Variants in SORCS3 observed in about 807,000 individuals in gnomAD.
SORCS3 encodes the protein VPS10 domain-containing receptor SorCS3.
In SORCS3, 57 loss-of-function variants were observed where a neutral mutation model predicts 146.3. The observed-to-expected ratio is 0.39, with a 90% CI of 0.31 to 0.49. The LOEUF (loss-of-function observed/expected upper bound fraction) is 0.49. Among genes scored for constraint, SORCS3 ranks in the 20% least tolerant of loss-of-function variants. The probability of loss-of-function intolerance (pLI) is 0.92; values close to 1 mark genes in which losing one functional copy is unlikely to be tolerated. For missense variants in SORCS3, 1,341 were observed against 1,575.5 expected (o/e 0.85, Z 2.52); for synonymous variants, 653 against 618.5 (o/e 1.06, Z -0.83).
intron 1 of SORCS3, among the ~76,000 whole-genome samples, chr10:104,683,212 T>C (rs996917402): frequency 7.2e-5 from 11 of 152,176 alleles, no homozygotes; most frequent in African/African-American, 2.2e-4. Context: ...AAGAAGACTT[T>C]GAGAAGGAGA....
intron 2 of SORCS3, among the ~76,000 whole-genome samples, chr10:104,889,298 TA>T (rs1564706618): frequency 7.0e-6 from 1 of 143,502 alleles, no homozygotes; most frequent in African/African-American, 2.7e-5. Context: ...TTTTTTTTTT[TA>T]AATCCGATCT....
intron 4 of SORCS3, among the ~76,000 whole-genome samples, chr10:105,014,068 C>T (rs28850357): frequency 7.3e-6 from 1 of 137,374 alleles, no homozygotes; most frequent in Non-Finnish European, 1.5e-5. Context: ...TCTAAATATA[C>T]ATATATATAT....
chr10:104,976,059 T>C (rs1376792216), intron 3 of SORCS3, among the ~76,000 whole-genome samples: 1 of 152,084 alleles, frequency 6.6e-6, no homozygotes, highest in African/African-American at 2.4e-5. Flanking sequence ...AATTGACAAA[T>C]GGGATCTAAT....
chr10:105,255,133 G>A (rs2056923322), intron 23 of SORCS3, among the ~76,000 whole-genome samples: 1 of 143,664 alleles, frequency 7.0e-6, no homozygotes, highest in Non-Finnish European at 1.5e-5. Flanking sequence ...AGCCTGCGGT[G>A]AGCCGAGATC....
intron 4 of SORCS3, among the ~76,000 whole-genome samples, chr10:104,998,865 G>A (rs1195343473): frequency 1.3e-5 from 2 of 151,996 alleles, no homozygotes; most frequent in Admixed American, 6.6e-5. Flanking sequence ...GCTGGGGTTC[G>A]GACTCCATTT....
At chr10:104,662,705 G>A (rs996072043) in intron 1 of SORCS3, among the ~76,000 whole-genome samples, 1 of 152,162 alleles carries the variant, frequency 6.6e-6, no homozygotes, top group African/African-American at 2.4e-5. Context: ...TTGTACTTAA[G>A]CTCTGGTGTT....
chr10:104,867,197 GGGAGAGGAGA>G (rs67403450), intron 2 of SORCS3, among the ~76,000 whole-genome samples: 76 of 150,730 alleles, frequency 5.0e-4, no homozygotes, highest in African/African-American at 1.7e-3. Flanking sequence ...GGGTGGGCTT[GGGAGAGGAGA>G]GGAGAGGAGA....
At position 104,805,340 on chromosome 10, in the gene SORCS3, C is replaced by T. The variant is rs116296415; in HGVS notation, c.628-37452C>T. On this transcript the variant is annotated intron_variant, in intron 1 of 26. Coordinates refer to ENST00000369701, the MANE Select transcript of SORCS3 (RefSeq NM_014978.3). ...AGCTTGACTAATTTTGAGAGGGTGA[C>T]TGAAAGTCATCCAAGCCTCAAGAAG... Among the ~76,000 whole-genome samples the T allele has an allele frequency of 2.4e-3, 368 of 152,228 alleles. 1 individual carries two copies. The highest frequency in any genetic ancestry group is 8.3e-3 in the African/African-American group (346 of 41,546).
chr10:104,975,199 A>T (rs1207739623), intron 3 of SORCS3, among the ~76,000 whole-genome samples: 5 of 152,208 alleles, frequency 3.3e-5, no homozygotes, highest in Non-Finnish European at 7.3e-5. Flanking sequence ...GCTGATAAGC[A>T]ACTTCAGCAA....
chr10:104,769,819 C>A (rs761416727), intron 1 of SORCS3, among the ~76,000 whole-genome samples: 4 of 152,120 alleles, frequency 2.6e-5, no homozygotes, highest in African/African-American at 4.8e-5. Context: ...TCCTTATCTG[C>A]AAAATGAAGG....
chr10:104,691,899 C>G (rs982639570), intron 1 of SORCS3, among the ~76,000 whole-genome samples: 3 of 152,094 alleles, frequency 2.0e-5, no homozygotes, highest in African/African-American at 7.2e-5. Flanking sequence ...GACCACCACA[C>G]CTGGCTAATT....
At chr10:104,829,172 A>T (rs1589515274) in intron 1 of SORCS3, among the ~76,000 whole-genome samples, 1 of 152,242 alleles carries the variant, frequency 6.6e-6, no homozygotes, top group Non-Finnish European at 1.5e-5. Flanking sequence ...TAATACTTTC[A>T]TAGTACAATG....
intron 1 of SORCS3, among the ~76,000 whole-genome samples, chr10:104,724,825 A>G (rs1486740388): frequency 6.6e-6 from 1 of 152,160 alleles, no homozygotes; most frequent in African/African-American, 2.4e-5. Context: ...TTTCAGCTCC[A>G]TCAGGTCCTT....
chr10:104,805,810 C>G (rs924237804), intron 1 of SORCS3, among the ~76,000 whole-genome samples: 2 of 152,166 alleles, frequency 1.3e-5, no homozygotes, highest in Non-Finnish European at 2.9e-5. Flanking sequence ...TTCCTCTCTT[C>G]ATACCTCACA....
chr10:104,820,435 T>C (rs1159340273), intron 1 of SORCS3, among the ~76,000 whole-genome samples: 1 of 152,330 alleles, frequency 6.6e-6, no homozygotes, highest in South Asian at 2.1e-4. Context: ...ACATCTACTA[T>C]GTATCAAGTA....
chr10:105,171,210 T>C (rs1166440470), intron 13 of SORCS3, among the ~76,000 whole-genome samples: 2 of 152,156 alleles, frequency 1.3e-5, no homozygotes, highest in African/African-American at 4.8e-5. Flanking sequence ...TCCTACAAAT[T>C]GAAATGATAG....
chr10:105,216,645 A>G (rs2056666729), intron 18 of SORCS3, among the ~76,000 whole-genome samples: 1 of 152,088 alleles, frequency 6.6e-6, no homozygotes, highest in Admixed American at 6.5e-5. Flanking sequence ...AGTCAGTGAA[A>G]CCCTTGGCTT....
rs113606146 is a variant in SORCS3 at position 105,104,200 on chromosome 10, T to C, written c.1094-1197T>C. On this transcript the variant is annotated intron_variant, in intron 6 of 26. Coordinates refer to ENST00000369701, the MANE Select transcript of SORCS3 (RefSeq NM_014978.3). ...AACAATTGCATTAGATAGGCATATG[T>C]AATAATGCATGTGGTTTTAGATAAT... Among the ~76,000 whole-genome samples the C allele has an allele frequency of 1.9e-3, 286 of 152,364 alleles. 2 individuals are homozygous for C. The highest frequency in any genetic ancestry group is 2.4e-3 in the Non-Finnish European group (165 of 68,038).
At chr10:104,942,380 A>G (rs536499544) in intron 3 of SORCS3, among the ~76,000 whole-genome samples, 8 of 152,342 alleles carry the variant, frequency 5.3e-5, no homozygotes, top group Middle Eastern at 3.4e-3. Context: ...TCAAATGTTA[A>G]GGAAAACTAG....
Sources: gnomAD v4.1 joint callset for allele counts (sites outside exome capture counted in the v4.1 genomes callset) on GRCh38, gnomAD v4.1.1 for gene constraint, MANE v1.5 for transcripts, NCBI Gene and HGNC (gene_info 2026-07-23, HGNC 2026-07-21) for gene names.